Variants in SUMF1 observed in about 807,000 individuals in gnomAD.
SUMF1 encodes formylglycine-generating enzyme.
In SUMF1, 48 loss-of-function variants were observed where a neutral mutation model predicts 47.6. That is an observed-to-expected ratio of 1.01 (90% confidence interval 0.80 to 1.28). The LOEUF is 1.28. Among genes scored for constraint, SUMF1 ranks in the 50% most tolerant of loss-of-function variants. The pLI is 0.00. For missense variants in SUMF1, 571 were observed against 485.4 expected (o/e 1.18, Z -1.66); for synonymous variants, 230 against 192.1 (o/e 1.20, Z -1.63).
chr3:4,445,103 G>C (rs1412090703), intron 3 of SUMF1, among the ~76,000 whole-genome samples: 1 of 152,164 alleles, frequency 6.6e-6, no homozygotes, highest in Non-Finnish European at 1.5e-5. Flanking sequence ...AAATTAGATT[G>C]TAATGATATA....
At chr3:4,404,510 T>A (rs977747728) in intron 7 of SUMF1, among the ~76,000 whole-genome samples, 1 of 152,224 alleles carries the variant, frequency 6.6e-6, no homozygotes, top group East Asian at 1.9e-4. Context: ...GTAATCCTAG[T>A]ACTTTGGAAG....
intron 7 of SUMF1, among the ~76,000 whole-genome samples, chr3:4,409,358 A>T (rs1488251381): frequency 1.3e-5 from 2 of 152,242 alleles, no homozygotes; most frequent in Non-Finnish European, 2.9e-5. Context: ...ATTTCATTAG[A>T]GCAAGGGCAA....
At chr3:4,390,741 C>G (rs796768334) in intron 7 of SUMF1, among the ~76,000 whole-genome samples, 1 of 152,076 alleles carries the variant, frequency 6.6e-6, no homozygotes, top group East Asian at 1.9e-4. Context: ...TACCATGATA[C>G]CTGGCTAATT....
chr3:4,460,621 T>TGTGTGTGG (rs1214731917), intron 1 of SUMF1, among the ~76,000 whole-genome samples: 1 of 148,014 alleles, frequency 6.8e-6, no homozygotes, highest in African/African-American at 2.5e-5. Flanking sequence ...TGTGTGTGTG[T>TGTGTGTGG]GTGAGAGTGT....
At position 4,315,763 on chromosome 3, in the gene SUMF1, G is replaced by T. The variant is rs535281964; in HGVS notation, c.1014+60567C>A. 2.6e-5 allele frequency among the ~76,000 whole-genome samples: 4 copies of T among 152,092 alleles called. No individual in the cohort carries two copies. In the East Asian group the frequency reaches 7.7e-4, roughly 29 times the overall value. On this transcript the variant is annotated intron_variant and NMD_transcript_variant, in intron 8 of 12. Coordinates refer to the SUMF1 transcript ENST00000448413. ...TTATAAGATTCAAATTTTAAAAGAT[G>T]GGGCTGGGTGCAGTGGCTCACACCT... is the stretch of plus-strand genomic sequence containing the variant.
chr3:4,047,181 C>T (rs1477941528), intron 9 of SUMF1, among the ~76,000 whole-genome samples: 3 of 152,094 alleles, frequency 2.0e-5, no homozygotes, highest in African/African-American at 7.2e-5. Context: ...CTTTGACTAC[C>T]ATATATCAAA....
chr3:4,424,839 A>C (rs1266340364), intron 3 of SUMF1, among the ~76,000 whole-genome samples: 1 of 152,244 alleles, frequency 6.6e-6, no homozygotes, highest in Admixed American at 6.5e-5. Flanking sequence ...GGATCAGGAG[A>C]GTACTATTAG....
intron 8 of SUMF1, 123 bp from the exon 9 acceptor site, chr3:4,362,377 C>T: frequency 1.3e-6 from 1 of 780,872 alleles, no homozygotes; most frequent in East Asian, 2.6e-5. Context: ...TGTATGGATA[C>T]TTAACATGTA....
At chr3:4,060,641 A>G (rs1695262490) in intron 9 of SUMF1, among the ~76,000 whole-genome samples, 1 of 152,186 alleles carries the variant, frequency 6.6e-6, no homozygotes, top group Non-Finnish European at 1.5e-5. Flanking sequence ...AAGACCAATA[A>G]GTAGACTTAT....
At chr3:4,267,517 G>T (rs1697220520) in intron 8 of SUMF1, among the ~76,000 whole-genome samples, 1 of 152,136 alleles carries the variant, frequency 6.6e-6, no homozygotes, top group Non-Finnish European at 1.5e-5. Flanking sequence ...TTGCATAGAG[G>T]TGTTTGTAGT....
intron 3 of SUMF1, among the ~76,000 whole-genome samples, chr3:4,436,371 C>T (rs770520479): frequency 9.2e-5 from 14 of 151,846 alleles, no homozygotes; most frequent in Non-Finnish European, 1.6e-4. Context: ...AAAAATAATA[C>T]TAAAGATATA....
intron 1 of SUMF1, among the ~76,000 whole-genome samples, chr3:4,463,018 G>C (rs368118956): frequency 6.6e-6 from 1 of 152,218 alleles, no homozygotes; most frequent in Admixed American, 6.5e-5. Flanking sequence ...TCTTGAAAAA[G>C]TATGTGACCT....
chr3:4,093,975 C>T (rs1343169608), intron 8 of SUMF1, among the ~76,000 whole-genome samples: 4 of 151,904 alleles, frequency 2.6e-5, no homozygotes, highest in African/African-American at 7.3e-5. Context: ...GAAAGAGATT[C>T]GAAATAAGGT....
At position 4,190,834 on chromosome 3, in the gene SUMF1, A is replaced by G. The variant is rs142972783; in HGVS notation, c.1015-122089T>C. Reference sequence around the variant, plus strand: ...AGCCTACTGAAGACCACAGATGGGTATTCATTCACTTGAAAACTACATATT... The same window carrying G: ...AGCCTACTGAAGACCACAGATGGGTGTTCATTCACTTGAAAACTACATATT... On this transcript the variant is annotated intron_variant and NMD_transcript_variant, in intron 8 of 12. Coordinates refer to the SUMF1 transcript ENST00000448413. Among the ~76,000 whole-genome samples, 483 of 152,286 alleles carry G rather than the reference A, an allele frequency of 3.2e-3. 4 individuals carry two copies. The highest frequency in any genetic ancestry group is 0.011 in the African/African-American group (451 of 41,562).
At chr3:4,294,251 CG>C (rs1697798831) in intron 8 of SUMF1, among the ~76,000 whole-genome samples, 1 of 152,062 alleles carries the variant, frequency 6.6e-6, no homozygotes, top group African/African-American at 2.4e-5. Flanking sequence ...TTCAGCTCTT[CG>C]GTCACACTAG....
intron 1 of SUMF1, among the ~76,000 whole-genome samples, chr3:4,455,736 A>G (rs576678203): frequency 6.6e-6 from 1 of 152,172 alleles, no homozygotes; most frequent in African/African-American, 2.4e-5. Flanking sequence ...TAATAATAAT[A>G]ATAATTTTCC....
intron 8 of SUMF1, among the ~76,000 whole-genome samples, chr3:4,077,839 A>G (rs1206337748): frequency 6.6e-6 from 1 of 152,190 alleles, no homozygotes; most frequent in Non-Finnish European, 1.5e-5. Flanking sequence ...TATAAGATGA[A>G]TAGTAAAATT....
intron 8 of SUMF1, among the ~76,000 whole-genome samples, chr3:4,135,064 G>T (rs368193691): frequency 2.0e-5 from 3 of 152,124 alleles, no homozygotes; most frequent in East Asian, 3.9e-4. Context: ...CTGGTACCAT[G>T]CCTTCTGAAA....
chr3:4,253,902 G>A (rs927685368), intron 8 of SUMF1, among the ~76,000 whole-genome samples: 46 of 150,172 alleles, frequency 3.1e-4, no homozygotes, highest in African/African-American at 7.6e-4. Flanking sequence ...CTCCCAGCAC[G>A]CAGCTGGAGA....
Sources: gnomAD v4.1 joint callset for allele counts (sites outside exome capture counted in the v4.1 genomes callset) on GRCh38, gnomAD v4.1.1 for gene constraint, MANE v1.5 for transcripts, NCBI Gene and HGNC (gene_info 2026-07-23, HGNC 2026-07-21) for gene names.